The following KSR1 variants were observed in gnomAD, a reference collection of about 807,000 sequenced individuals.
KSR1 encodes the protein kinase suppressor of ras.
KSR1 carries 35 observed loss-of-function variants against 92.9 expected under a neutral mutation model. That is an observed-to-expected ratio of 0.38 (90% confidence interval 0.29 to 0.50). The LOEUF is 0.50. KSR1 is among the 20% of genes least tolerant of loss of function. KSR1 has a pLI of 0.94. For missense variants in KSR1, 972 were observed against 1,158.5 expected (o/e 0.84, Z 2.34); for synonymous variants, 467 against 472.6 (o/e 0.99, Z 0.15).
At chr17:27,568,955 CT>C (rs775929512) in intron 2 of KSR1, among the ~76,000 whole-genome samples, 2 of 152,202 alleles carry the variant, frequency 1.3e-5, no homozygotes, top group Non-Finnish European at 2.9e-5. Context: ...TGCCAGTCCC[CT>C]AGAAGTCAAG....
At chr17:27,467,197 T>TTTTCA (rs1436255699) in intron 1 of KSR1, among the ~76,000 whole-genome samples, 1 of 152,214 alleles carries the variant, frequency 6.6e-6, no homozygotes, top group Admixed American at 6.5e-5. Context: ...ATTCCTTGCC[T>TTTTCA]TTATGACCCA....
intron 1 of KSR1, among the ~76,000 whole-genome samples, chr17:27,539,769 G>T (rs2070891008): frequency 6.6e-6 from 1 of 152,162 alleles, no homozygotes; most frequent in Non-Finnish European, 1.5e-5. Flanking sequence ...GATATTGGGG[G>T]GTTACATCAA....
chr17:27,465,148 C>T (rs1388640496), intron 1 of KSR1: 1 of 152,092 alleles, frequency 6.6e-6, no homozygotes, highest in African/African-American at 2.4e-5. Flanking sequence ...GTCATTTATT[C>T]CCAGGCACAG....
intron 2 of KSR1, chr17:27,566,678 G>A (rs954693180): frequency 1.2e-4 from 47 of 397,484 alleles, no homozygotes; most frequent in Middle Eastern, 6.2e-4. Flanking sequence ...TGTAGAACAC[G>A]TGTGGAGAAA....
At chr17:27,498,542 T>G (rs1381481553) in intron 1 of KSR1, among the ~76,000 whole-genome samples, 2 of 152,184 alleles carry the variant, frequency 1.3e-5, no homozygotes, top group Admixed American at 1.3e-4. Context: ...ATTGTCAGCA[T>G]TGCTTGGGGA....
intron 1 of KSR1, among the ~76,000 whole-genome samples, chr17:27,515,611 GTTTTTT>G (rs770675553): frequency 2.8e-5 from 3 of 109,048 alleles, no homozygotes; most frequent in African/African-American, 1.0e-4. Context: ...CTGCTTCGTA[GTTTTTT>G]TTTTTTTTTT....
At chr17:27,598,723 T>C (rs1333569582) in intron 10 of KSR1, among the ~76,000 whole-genome samples, 3 of 152,222 alleles carry the variant, frequency 2.0e-5, no homozygotes. Flanking sequence ...AAAAGTTCTT[T>C]TTGCACAATC....
chr17:27,555,282 T>G (rs2071548699), intron 2 of KSR1, among the ~76,000 whole-genome samples: 1 of 152,182 alleles, frequency 6.6e-6, no homozygotes, highest in Non-Finnish European at 1.5e-5. Context: ...CTACACAGAT[T>G]ATTTGGAACT....
Position 27,617,591 on chromosome 17 carries a change from G to A in KSR1, c.2627+163G>A, listed in dbSNP as rs537085796. On this transcript the variant is annotated intron_variant, in intron 19 of 20. Transcript: ENST00000644974. ...CATCAGGGCTGGAGTGCAGTGGCAC[G>A]ATCTCAGCTCACTGCAGCCTCCGCC... 678 of 754,522 alleles carry A rather than the reference G, an allele frequency of 9.0e-4. 2 individuals carry two copies. Among genetic ancestry groups the A allele is most frequent in the Non-Finnish European group, 1.2e-3 (607 of 485,690 alleles). The allele number at this position is 754,522 out of a possible 1,614,324, so 46.7% of individuals were successfully genotyped here. A position where few individuals can be genotyped will look rare whatever the true frequency, so the allele number is the denominator to read the frequency against.
rs116190486 is a variant in KSR1 at position 27,474,598 on chromosome 17, A to G, written c.231+17724A>G. Reference sequence around the variant, plus strand: ...TTTTTCATAGTAAGTAAGATGAGCCATGGAAAAGCACAATGCCTTGTGCAG... The same window carrying G: ...TTTTTCATAGTAAGTAAGATGAGCCGTGGAAAAGCACAATGCCTTGTGCAG... On this transcript the variant is annotated intron_variant, in intron 1 of 20. Coordinates refer to ENST00000644974, the MANE Select transcript of KSR1 (RefSeq NM_001394583.1). 3.4e-3 allele frequency among the ~76,000 whole-genome samples: 518 copies of G among 152,324 alleles called. 3 individuals are homozygous for G. The highest frequency in any genetic ancestry group is 0.012 in the African/African-American group (501 of 41,578).
At chr17:27,492,501 A>G (rs145857418) in intron 1 of KSR1, among the ~76,000 whole-genome samples, 19 of 152,342 alleles carry the variant, frequency 1.2e-4, no homozygotes, top group African/African-American at 2.2e-4. Flanking sequence ...CTGAGCTGCC[A>G]TGTGACCTTG....
At chr17:27,578,008 C>A in intron 3 of KSR1, 2 of 376,214 alleles carry the variant, frequency 5.3e-6, no homozygotes, top group Non-Finnish European at 1.0e-5. Flanking sequence ...CCATTGCTGG[C>A]TGGGTTCTGT....
intron 1 of KSR1, among the ~76,000 whole-genome samples, chr17:27,487,728 C>CT (rs1385828454): frequency 6.6e-5 from 10 of 152,148 alleles, no homozygotes; most frequent in Admixed American, 5.9e-4. Context: ...AGTGGAGCAT[C>CT]TGCTTCACTT....
chr17:27,589,523 C>T (rs940911480), intron 6 of KSR1, among the ~76,000 whole-genome samples: 1 of 152,170 alleles, frequency 6.6e-6, no homozygotes, highest in African/African-American at 2.4e-5. Context: ...CTGGACCTGC[C>T]TCACTCCCTG....
At position 27,579,878 on chromosome 17, in the gene KSR1, C is replaced by CAAAAAAAGA. The variant is rs2072671794; in HGVS notation, c.520+2246_520+2247insGAAAAAAAA. The CAAAAAAAGA allele has an allele frequency of 6.8e-5, 2 of 29,614 alleles. 1 individual carries two copies. Among genetic ancestry groups the CAAAAAAAGA allele is most frequent in the African/African-American group, 2.4e-4 (2 of 8,310 alleles). 1.8% of individuals were successfully genotyped at this position (29,614 alleles called of 1,614,324 possible). A position where few individuals can be genotyped will look rare whatever the true frequency, so the allele number is the denominator to read the frequency against. ...GTAACAGAGCCAGATGCTGTCTCAC[C>CAAAAAAAGA]AAAAAAAAAAAAAAAAAAAAAAAAA... On this transcript the variant is annotated intron_variant, in intron 3 of 20. Coordinates refer to ENST00000644974, the MANE Select transcript of KSR1 (RefSeq NM_001394583.1).
chr17:27,510,182 T>C (rs2150999734), intron 1 of KSR1, among the ~76,000 whole-genome samples: 1 of 152,336 alleles, frequency 6.6e-6, no homozygotes. Context: ...CTTCTGATCC[T>C]TTCTTCTGAG....
At chr17:27,502,303 C>CGAAGACA (rs1236006096) in intron 1 of KSR1, among the ~76,000 whole-genome samples, 2 of 152,154 alleles carry the variant, frequency 1.3e-5, no homozygotes, top group Non-Finnish European at 2.9e-5. Context: ...AGTGGTCCTG[C>CGAAGACA]GAAGACAAGG....
intron 1 of KSR1, among the ~76,000 whole-genome samples, chr17:27,521,826 C>T (rs1307246608): frequency 1.3e-5 from 2 of 152,222 alleles, no homozygotes; most frequent in Non-Finnish European, 2.9e-5. Context: ...TGTTAATCCA[C>T]ACTCTCATGG....
At chr17:27,493,409 T>C (rs923631621) in intron 1 of KSR1, among the ~76,000 whole-genome samples, 1 of 152,190 alleles carries the variant, frequency 6.6e-6, no homozygotes. Context: ...AATCATGCCC[T>C]TGAATTCTTT....
Sources: allele counts gnomAD v4.1 joint callset (sites outside exome capture counted in the v4.1 genomes callset), GRCh38; gene constraint gnomAD v4.1.1; transcripts MANE v1.5; gene names NCBI Gene and HGNC (gene_info 2026-07-23, HGNC 2026-07-21).